Variants in MYO5A observed in about 807,000 individuals in gnomAD.
MYO5A encodes the protein unconventional myosin-Va.
In MYO5A, 98 loss-of-function variants were observed where a neutral mutation model predicts 249.7. The ratio of observed to expected loss-of-function variants is 0.39; its 90% CI spans 0.33 to 0.46. The LOEUF is 0.46. MYO5A is among the 20% of genes least tolerant of loss of function. The pLI is 0.98. For missense variants in MYO5A, 1,696 were observed against 2,308.8 expected, an observed-to-expected ratio of 0.73 and a Z score of 5.44; for synonymous variants, 778 against 810.6, an observed-to-expected ratio of 0.96 and a Z score of 0.68.
chr15:52,470,359 G>T (rs1169603618), intron 1 of MYO5A, among the ~76,000 whole-genome samples: 1 of 152,120 alleles, frequency 6.6e-6, no homozygotes, highest in Non-Finnish European at 1.5e-5. Context: ...AACTTTAAAA[G>T]GCCATCCTTG....
intron 28 of MYO5A, among the ~76,000 whole-genome samples, chr15:52,349,971 C>T (rs1475056423): frequency 1.3e-5 from 2 of 152,196 alleles, no homozygotes; most frequent in Non-Finnish European, 2.9e-5. Flanking sequence ...CTCACTCTAT[C>T]GCCCAGGCGG....
At chr15:52,516,612 C>G (rs1017626894) in intron 1 of MYO5A, among the ~76,000 whole-genome samples, 6 of 152,220 alleles carry the variant, frequency 3.9e-5, no homozygotes, top group Admixed American at 2.0e-4. Context: ...GAAGGCCTCA[C>G]TAATCCCAAA....
At chr15:52,429,182 A>C (rs1176435767) in intron 2 of MYO5A, among the ~76,000 whole-genome samples, 4 of 151,822 alleles carry the variant, frequency 2.6e-5, no homozygotes, top group Non-Finnish European at 4.4e-5. Flanking sequence ...ACTTTTTTTG[A>C]GGCAAGACAA....
chr15:52,367,221 C>A (rs1380478076), intron 22 of MYO5A, 97 bp from the exon 23 acceptor site: 2 of 1,007,672 alleles, frequency 2.0e-6, no homozygotes, highest in Non-Finnish European at 3.0e-6. Context: ...TTACTTCCAC[C>A]ACCTCTGTGC....
intron 10 of MYO5A, 89 bp from the exon 11 acceptor site, chr15:52,396,486 A>C: frequency 1.3e-6 from 1 of 745,542 alleles, no homozygotes; most frequent in South Asian, 1.6e-5. Flanking sequence ...GGAAGAAAGA[A>C]GTGGGACATT....
chr15:52,450,853 T>G lies in MYO5A; in HGVS notation c.28-17568A>C, dbSNP rs1330951492. Among the ~76,000 whole-genome samples, 719 of 147,056 alleles carry G rather than the reference T, an allele frequency of 4.9e-3. 13 individuals carry two copies. Among genetic ancestry groups the G allele is most frequent in the African/African-American group, 0.017 (684 of 40,090 alleles). The stretch of plus-strand genomic sequence containing the variant: ...GATTGCACTACTGTGGTTTTTTTTT[T>G]TTTTTTTTTTTTGTGACAGGGTCTC... On this transcript the variant is annotated intron_variant, in intron 1 of 41. Coordinates refer to ENST00000399233, the MANE Select transcript of MYO5A (RefSeq NM_001382347.1).
chr15:52,435,132 G>T (rs2075634263), intron 1 of MYO5A, among the ~76,000 whole-genome samples: 1 of 152,174 alleles, frequency 6.6e-6, no homozygotes, highest in South Asian at 2.1e-4. Context: ...ACCCAGTGAT[G>T]AACTTACAGA....
rs188184040 is a variant in MYO5A at position 52,488,452 on chromosome 15, T to C, written c.27+40328A>G. Among the ~76,000 whole-genome samples, 140 of 152,336 alleles carry C rather than the reference T, an allele frequency of 9.2e-4. 1 individual carries two copies. Among genetic ancestry groups the C allele is most frequent in the African/African-American group, 3.2e-3 (132 of 41,574 alleles). On this transcript the variant is annotated intron_variant, in intron 1 of 41. Coordinates refer to ENST00000399233, the MANE Select transcript of MYO5A (RefSeq NM_001382347.1). ...TCAAATACATTCTATAAAGCAAATA[T>C]GTGAACTCTAAAGCAATTACAAATA... is the stretch of plus-strand genomic sequence containing the variant.
At chr15:52,316,052 G>A (rs2037992856) in intron 40 of MYO5A, among the ~76,000 whole-genome samples, 1 of 151,238 alleles carries the variant, frequency 6.6e-6, no homozygotes, top group African/African-American at 2.4e-5. Context: ...GGTTAACATG[G>A]TGAAACCCCA....
intron 1 of MYO5A, among the ~76,000 whole-genome samples, chr15:52,517,933 T>A (rs1326729341): frequency 6.6e-6 from 1 of 152,082 alleles, no homozygotes. Context: ...ATTCAAATAA[T>A]CCAGATTAGC....
Position 52,353,889 on chromosome 15 carries a change from C to A in MYO5A, c.3549G>T (p.Val1183=), listed in dbSNP as rs989258180. ...QDELDRKEEQ[V]LRSKAKEEER... Reference sequence around the variant, plus strand: ...TGCGCACCTTGGCCTTGCTGCGGAGCACCTGCTCCTCCTTGCGGTCCAGCT... The same window carrying A: ...TGCGCACCTTGGCCTTGCTGCGGAGAACCTGCTCCTCCTTGCGGTCCAGCT... The change falls in exon 26 of 42, where the codon GTG becomes GTT. Residue 1183 remains valine, a synonymous_variant. Transcript: ENST00000399233. The A allele has an allele frequency of 6.2e-7, 1 of 1,614,092 alleles. No homozygotes were observed. The highest frequency in any genetic ancestry group is 1.7e-5 in the Admixed American group (1 of 60,032).
intron 5 of MYO5A, among the ~76,000 whole-genome samples, chr15:52,415,225 A>T (rs576900820): frequency 6.6e-6 from 1 of 152,340 alleles, no homozygotes; most frequent in African/African-American, 2.4e-5. Flanking sequence ...AAAAGACAGG[A>T]ATAAAAAAAT....
intron 9 of MYO5A, among the ~76,000 whole-genome samples, chr15:52,402,850 G>GA (rs1259047237): frequency 1.3e-5 from 2 of 150,792 alleles, no homozygotes; most frequent in African/African-American, 4.9e-5. Context: ...GTCTCAAAAA[G>GA]AAAAAAACAA....
intron 1 of MYO5A, among the ~76,000 whole-genome samples, chr15:52,512,055 C>G (rs897472460): frequency 5.3e-5 from 8 of 151,260 alleles, no homozygotes; most frequent in Non-Finnish European, 1.2e-4. Context: ...CCCAGCCGTT[C>G]GTGAGGCTGA....
chr15:52,414,111 T>C (rs984308740), intron 5 of MYO5A, among the ~76,000 whole-genome samples: 2 of 152,290 alleles, frequency 1.3e-5, no homozygotes, highest in South Asian at 2.1e-4. Context: ...TCTCCCTCTG[T>C]GAGACTGGAT....
intron 1 of MYO5A, among the ~76,000 whole-genome samples, chr15:52,448,391 CT>C (rs1159122445): frequency 6.6e-6 from 1 of 152,190 alleles, no homozygotes; most frequent in Admixed American, 6.5e-5. Context: ...TACTCAATGC[CT>C]GTACCTCCAT....
At chr15:52,514,452 C>A (rs893509166) in intron 1 of MYO5A, among the ~76,000 whole-genome samples, 7 of 152,094 alleles carry the variant, frequency 4.6e-5, no homozygotes, top group African/African-American at 1.7e-4. Flanking sequence ...GAAGGAACAT[C>A]TTAGCCACAC....
Position 52,340,359 on chromosome 15 carries a change from C to A in MYO5A, c.4076G>T (p.Ser1359Ile). Reference sequence around the variant, plus strand: ...GAGGGCCTCGGCCTCATTCTCATGGCTCCTCTTCTGTGACTGCAGCTGGGA... The same window carrying A: ...GAGGGCCTCGGCCTCATTCTCATGGATCCTCTTCTGTGACTGCAGCTGGGA... ...LESQLQSQKR[S>I]HENEAEALRG... Residue 1359 changes from serine to isoleucine, a missense_variant, in exon 32 of 42, where the codon AGC becomes ATC. Coordinates refer to ENST00000399233, the MANE Select transcript of MYO5A (RefSeq NM_001382347.1). 1 of 1,613,654 alleles carries A rather than the reference C, an allele frequency of 6.2e-7. No homozygotes were observed. The highest frequency in any genetic ancestry group is 2.2e-5 in the East Asian group (1 of 44,866).
chr15:52,318,691 T>C (rs28479614), intron 39 of MYO5A, among the ~76,000 whole-genome samples: 13,166 of 152,200 alleles, frequency 0.087, 1,762 homozygotes, highest in African/African-American at 0.29. Flanking sequence ...TTCATTATTA[T>C]AATTTAATAA....
Sources: allele counts gnomAD v4.1 joint callset (sites outside exome capture counted in the v4.1 genomes callset), GRCh38; gene constraint gnomAD v4.1.1; transcripts MANE v1.5; gene names NCBI Gene and HGNC (gene_info 2026-07-23, HGNC 2026-07-21).